GH2: variants seen among roughly 807,000 people sequenced by gnomAD.
GH2 encodes the protein growth hormone variant.
In GH2, 17 loss-of-function variants were observed where a neutral mutation model predicts 24.1. The observed-to-expected ratio is 0.71, with a 90% CI of 0.48 to 1.06. GH2 has a LOEUF of 1.06. GH2 is among the 50% of genes least tolerant of loss of function. The pLI is 0.00. For missense variants in GH2, 305 were observed against 273.1 expected (o/e 1.12, Z -0.82); for synonymous variants, 126 against 118.7 (o/e 1.06, Z -0.40).
chr17:63,880,948 G>T lies in GH2; in HGVS notation c.292-12C>A, dbSNP rs367584836. 6.2e-7 allele frequency: 1 copy of T among 1,614,066 alleles called. No homozygotes were observed. The highest frequency in any genetic ancestry group is 2.2e-5 in the East Asian group (1 of 44,868). On this transcript the variant is annotated splice_polypyrimidine_tract_variant and intron_variant, in intron 3 of 4. Coordinates refer to ENST00000423893, the MANE Select transcript of GH2 (RefSeq NM_002059.5). ...AGCAGCTCTAGGTTCTGCAGGGGAA[G>T]GACCGGCAGTGGCTGTGCTGCCCGG...
rs774854757 is a variant in GH2 at position 63,881,536 on chromosome 17, G to A, written c.11-17C>T. ...TCCGGGAGCCTGGGGAGAAACCGGA[G>A]GGCAACAGAGGGAGCTGGAGAGCAA... On this transcript the variant is annotated splice_polypyrimidine_tract_variant and intron_variant, in intron 1 of 4. Coordinates refer to ENST00000423893, the MANE Select transcript of GH2 (RefSeq NM_002059.5). The A allele has an allele frequency of 1.9e-6, 3 of 1,613,770 alleles. No homozygotes were observed. The highest frequency in any genetic ancestry group is 1.1e-5 in the South Asian group (1 of 91,054).
intron 1 of GH2, 75 bp downstream of exon 1, chr17:63,881,717 C>T: frequency 1.2e-6 from 2 of 1,611,690 alleles, no homozygotes; most frequent in East Asian, 2.2e-5. Flanking sequence ...AGGGTTAGTG[C>T]CCCCGTCCCA....
At chr17:63,881,708 G>A (rs1905548845) in intron 1 of GH2, 84 bp downstream of exon 1, 1 of 1,611,492 alleles carries the variant, frequency 6.2e-7, no homozygotes, top group African/African-American at 1.3e-5. Context: ...CCAAACCTGA[G>A]GGTTAGTGCC....
rs537427152 is a variant in GH2 at position 63,880,498 on chromosome 17, G to A, written c.477C>T (p.Pro159=). 8 of 1,613,802 alleles carry A rather than the reference G, an allele frequency of 5.0e-6. No homozygotes were observed. In the East Asian group the frequency reaches 1.3e-4, roughly 27 times the overall value. ...ACTGATTGAAGATCTGCCCAGTCCGGGGGCTGCCATCTTCCAGCCTCTGCA... is the reference window on the plus strand; with the variant it reads ...ACTGATTGAAGATCTGCCCAGTCCGAGGGCTGCCATCTTCCAGCCTCTGCA... ...TLMWRLEDGS[P]RTGQIFNQSY... Residue 159 remains proline (P), a synonymous_variant, in exon 5 of 5, where the codon CCC becomes CCT. Coordinates refer to ENST00000423893, the MANE Select transcript of GH2 (RefSeq NM_002059.5).
Position 63,881,479 on chromosome 17 carries a change from G to T in GH2, c.51C>A (p.Cys17Ter). 6.2e-7 allele frequency: 1 copy of T among 1,614,020 alleles called. No homozygotes were observed. The highest frequency in any genetic ancestry group is 8.5e-7 in the Non-Finnish European group (1 of 1,179,936). The change falls in exon 2 of 5, where the codon TGC (cysteine) becomes TGA (stop). Residue 17 changes from cysteine to a stop codon, truncating the protein, a stop_gained. Coordinates refer to ENST00000423893, the MANE Select transcript of GH2 (RefSeq NM_002059.5). LOFTEE classifies it high-confidence loss of function. The stretch of plus-strand genomic sequence containing the variant: ...CACTGCCCTCTTGAAGCCAGGACAG[G>T]CAGAGCAGGCCAAAAGCCAGGAGCA... The part of the protein sequence containing the change: ...TSLLLAFGLL[C>*]LSWLQEGSAF...
chr17:63,880,637 G>T (rs753488027), intron 4 of GH2, 119 bp from the exon 5 acceptor site: 38 of 1,613,876 alleles, frequency 2.4e-5, no homozygotes, highest in South Asian at 3.3e-5. Context: ...GAGGATTCAC[G>T]AGGGGAAATG....
chr17:63,881,196 A>G lies in GH2; in HGVS notation c.172-48T>C, dbSNP rs143223560. 3.0e-3 allele frequency: 4,808 copies of G among 1,613,950 alleles called. 152 individuals are homozygous for G. In the Admixed American group the frequency reaches 0.053, roughly 18 times the overall value. The stretch of plus-strand genomic sequence containing the variant: ...AGGTCTATGCTGGAGACCAGCTCCC[A>G]TTGTTACTTTTCTGGGAACCTCACT... On this transcript the variant is annotated intron_variant, in intron 2 of 4. Transcript: ENST00000423893.
Position 63,881,485 on chromosome 17 carries a change from C to T in GH2, c.45G>A (p.Leu15=), listed in dbSNP as rs374523464. 8 of 1,613,996 alleles carry T rather than the reference C, an allele frequency of 5.0e-6. No homozygotes were observed. ...CCTCTTGAAGCCAGGACAGGCAGAG[C>T]AGGCCAAAAGCCAGGAGCAGGGACG... is the stretch of plus-strand genomic sequence containing the variant. The part of the protein sequence containing the change: ...SRTSLLLAFG[L]LCLSWLQEGS... Residue 15 remains leucine, a synonymous_variant, in exon 2 of 5, where the codon CTG becomes CTA. Coordinates refer to ENST00000423893, the MANE Select transcript of GH2 (RefSeq NM_002059.5).
chr17:63,881,354 C>A lies in GH2; in HGVS notation c.171+5G>T, dbSNP rs1288378745. 2 of 1,613,878 alleles carry A rather than the reference C, an allele frequency of 1.2e-6. No individual in the cohort carries two copies. The highest frequency in any genetic ancestry group is 1.7e-6 in the Non-Finnish European group (2 of 1,179,900). Reference sequence around the variant, plus strand: ...CTGAAGCGCACCCATTACCCAAGAGCTTACAAACTCCTGATAGGTGTCATA... The same window carrying A: ...CTGAAGCGCACCCATTACCCAAGAGATTACAAACTCCTGATAGGTGTCATA... On this transcript the variant is annotated splice_donor_5th_base_variant and intron_variant, in intron 2 of 4. Transcript: ENST00000423893.
Position 63,881,015 on chromosome 17 carries a change from A to C in GH2, c.291+14T>G, listed in dbSNP as rs201180173. ...TCTACCCCATCCCCACCTGGGGAGA[A>C]GGCATCCACTCACAGATTTCTGCTG... is the stretch of plus-strand genomic sequence containing the variant. On this transcript the variant is annotated intron_variant, in intron 3 of 4. Coordinates refer to ENST00000423893, the MANE Select transcript of GH2 (RefSeq NM_002059.5). The C allele has an allele frequency of 1.9e-6, 3 of 1,614,070 alleles. No individual in the cohort carries two copies. Among genetic ancestry groups the C allele is most frequent in the Admixed American group, 3.3e-5 (2 of 60,020 alleles).
In GH2 at chr17:63,881,775, AT is replaced by A. The variant is rs1567780372; in HGVS notation, c.10+16del. On this transcript the variant is annotated intron_variant, in intron 1 of 4. Transcript: ENST00000423893. ...CTCAGGACACATTGTGCCCAAAGGG[AT>A]TTTAGGGGCGCTTACCTGCAGCCAT... is the stretch of plus-strand genomic sequence containing the variant. The A allele has an allele frequency of 1.9e-6, 3 of 1,612,638 alleles. No homozygotes were observed. Among genetic ancestry groups the A allele is most frequent in the Non-Finnish European group, 2.5e-6 (3 of 1,179,724 alleles).
At chr17:63,881,251 C>T (rs1567779807) in intron 2 of GH2, 103 bp from the exon 3 acceptor site, 1 of 1,611,570 alleles carries the variant, frequency 6.2e-7, no homozygotes, top group Non-Finnish European at 8.5e-7. Flanking sequence ...TGCATTTTCA[C>T]TTCAGAAAAC....
At chr17:63,881,656 C>A in intron 1 of GH2, 136 bp downstream of exon 1, 2 of 1,607,122 alleles carry the variant, frequency 1.2e-6, no homozygotes, top group Non-Finnish European at 8.5e-7. Flanking sequence ...CAGAGATTGG[C>A]CAAATACTGG....
rs1905462568 is a variant in GH2 at position 63,880,838 on chromosome 17, G to A, written c.390C>T (p.Gly130=). The A allele has an allele frequency of 1.2e-6, 2 of 1,614,042 alleles. No individual in the cohort carries two copies. Among genetic ancestry groups the A allele is most frequent in the Middle Eastern group, 1.6e-4 (1 of 6,062 alleles). Residue 130 remains glycine, a synonymous_variant, in exon 4 of 5, where the codon GGC becomes GGT. Coordinates refer to ENST00000423893, the MANE Select transcript of GH2 (RefSeq NM_002059.5). Reference sequence around the variant, plus strand: ...GGCGATAGACGTTGCTGTCCGAGGCGCCATACACCAGGCTGTTGGCGAAGA... The same window carrying A: ...GGCGATAGACGTTGCTGTCCGAGGCACCATACACCAGGCTGTTGGCGAAGA... ...RSVFANSLVY[G]ASDSNVYRHL... is the part of the protein sequence containing the mutation.
At position 63,880,882 on chromosome 17, in the gene GH2, C is replaced by T. The variant is rs61764019; in HGVS notation, c.346G>A (p.Val116Met). The change falls in exon 4 of 5, where the codon GTG (valine) becomes ATG (methionine). Residue 116 changes from valine (V) to methionine (M), a missense_variant. By Grantham distance (21) the Val-to-Met change is conservative. Transcript: ENST00000423893. ...GCGAAGACGCTCCTGAGGAGCTGCA[C>T]GGGCTCCAGCCATGACTGGATGAGC... Reference protein sequence around the residue: ...LLLIQSWLEPVQLLRSVFANS... With the variant: ...LLLIQSWLEPMQLLRSVFANS... 1.4e-5 allele frequency: 23 copies of T among 1,613,942 alleles called. No homozygotes were observed. Among genetic ancestry groups the T allele is most frequent in the Non-Finnish European group, 1.9e-5 (22 of 1,179,966 alleles).
chr17:63,880,971 C>T, intron 3 of GH2, 35 bp from the exon 4 acceptor site: 7 of 1,614,058 alleles, frequency 4.3e-6, no homozygotes, highest in Non-Finnish European at 4.2e-6. Context: ...CTGTGCTGCC[C>T]GGGGGCTCTG....
At chr17:63,881,183 G>A (rs1305084289) in intron 2 of GH2, 35 bp from the exon 3 acceptor site, 1 of 1,613,976 alleles carries the variant, frequency 6.2e-7, no homozygotes, top group East Asian at 2.2e-5. Context: ...GTCTATGCTG[G>A]AGACCAGCTC....
intron 1 of GH2, 77 bp downstream of exon 1, chr17:63,881,715 T>C: frequency 6.2e-7 from 1 of 1,611,706 alleles, no homozygotes; most frequent in South Asian, 1.1e-5. Flanking sequence ...TGAGGGTTAG[T>C]GCCCCCGTCC....
chr17:63,880,416 C>G lies in GH2; in HGVS notation c.559G>C (p.Gly187Arg), dbSNP rs199964660. The change falls in exon 5 of 5, where the codon GGG becomes CGG. Residue 187 changes from glycine to arginine, a missense_variant. Transcript: ENST00000423893. Reference sequence around the variant, plus strand: ...TCCTTCCTGAAGCAGTAGAGCAGCCCGTAGTTCTTGAGCAGTGCGTCATCG... The same window carrying G: ...TCCTTCCTGAAGCAGTAGAGCAGCCGGTAGTTCTTGAGCAGTGCGTCATCG... Reference protein sequence around the residue: ...HNDDALLKNYGLLYCFRKDMD... With the variant: ...HNDDALLKNYRLLYCFRKDMD... The G allele has an allele frequency of 1.9e-6, 3 of 1,613,728 alleles. No individual in the cohort carries two copies. The Admixed American group carries it at 5.0e-5, about 27-fold the overall frequency.
Sources: gnomAD v4.1 joint callset for allele counts on GRCh38, gnomAD v4.1.1 for gene constraint, MANE v1.5 for transcripts, NCBI Gene and HGNC (gene_info 2026-07-23, HGNC 2026-07-21) for gene names.